Variants in NIBAN3 observed in about 807,000 individuals in gnomAD.
The protein encoded by NIBAN3 is protein Niban 3.
NIBAN3 carries 66 observed loss-of-function variants against 76.4 expected under a neutral mutation model. The ratio of observed to expected loss-of-function variants is 0.86; its 90% CI spans 0.71 to 1.06. The LOEUF (loss-of-function observed/expected upper bound fraction) is 1.06, where lower values mean the gene tolerates loss of function less well. Among genes scored for constraint, NIBAN3 ranks in the 50% least tolerant of loss-of-function variants. NIBAN3 has a pLI of 0.00. For missense variants in NIBAN3, 808 were observed against 810.7 expected, an observed-to-expected ratio of 1.00 and a Z score of 0.04; for synonymous variants, 360 against 355.2, an observed-to-expected ratio of 1.01 and a Z score of -0.15.
chr19:17,546,744 A>T lies in NIBAN3; in HGVS notation c.1613A>T (p.Glu538Val). The T allele has an allele frequency of 1.9e-6, 3 of 1,606,052 alleles. No individual in the cohort carries two copies. Among genetic ancestry groups the T allele is most frequent in the Non-Finnish European group, 2.5e-6 (3 of 1,177,084 alleles). The change falls in exon 13 of 15, where the codon GAG becomes GTG. Residue 538 changes from glutamate (E) to valine (V), a missense_variant. Physicochemically the swap from Glu to Val is moderately radical, Grantham distance 121 (BLOSUM62 -2). Transcript: ENST00000599164. ...LAVGSQALTT[E>V]GIYEDVIRGC... ...GTGGGCAGCCAGGCTCTGACCACTG[A>T]GGGCATCTATGAGGACGTCATCCGG... is the stretch of plus-strand genomic sequence containing the variant.
In NIBAN3 at chr19:17,542,402, G is replaced by A. The variant is rs2075971509; in HGVS notation, c.1329+108G>A. On this transcript the variant is annotated intron_variant, in intron 10 of 14. Transcript: ENST00000599164. The surrounding 1 kb of genome is among the most constrained non-coding windows in gnomAD (Gnocchi z 4.8). ...CCACGATGATCGAGACAACTCCGCG[G>A]GGCTGCCAGTCTCATGGGGACATGA... is the stretch of plus-strand genomic sequence containing the variant. 1 of 1,227,318 alleles carries A rather than the reference G, an allele frequency of 8.1e-7. No homozygotes were observed. Among genetic ancestry groups the A allele is most frequent in the South Asian group, 1.5e-5 (1 of 68,114 alleles). The allele number at this position is 1,227,318 out of a possible 1,614,324, so 76.0% of individuals were successfully genotyped here.
At position 17,540,826 on chromosome 19, in the gene NIBAN3, C is replaced by T. The variant is rs145020542; in HGVS notation, c.1170+244C>T. ...TTAACTCACTGCAGCCTCGACCTCC[C>T]GGGCTTAATCAATCCTCTTACTTTA... On this transcript the variant is annotated intron_variant, in intron 9 of 14. Coordinates refer to ENST00000599164, the MANE Select transcript of NIBAN3 (RefSeq NM_001321827.2). Among the ~76,000 whole-genome samples the T allele has an allele frequency of 5.0e-3, 760 of 152,276 alleles. 4 individuals are homozygous for T. The highest frequency in any genetic ancestry group is 0.017 in the African/African-American group (716 of 41,560).
intron 4 of NIBAN3, among the ~76,000 whole-genome samples, chr19:17,536,895 G>C (rs2075834269): frequency 6.6e-6 from 1 of 152,122 alleles, no homozygotes; most frequent in South Asian, 2.1e-4. Context: ...CTAGTACTTT[G>C]GGAGGCTGAG....
At chr19:17,548,658 G>A (rs1383974043) in intron 13 of NIBAN3, among the ~76,000 whole-genome samples, 1 of 152,124 alleles carries the variant, frequency 6.6e-6, no homozygotes, top group Non-Finnish European at 1.5e-5. Flanking sequence ...AGGCACTGTG[G>A]CTCACGCCTG....
chr19:17,523,445 C>T (rs1412439644), upstream of NIBAN3: 1 of 1,563,558 alleles, frequency 6.4e-7, no homozygotes, highest in Admixed American at 2.0e-5. Flanking sequence ...TGGGATGGGG[C>T]CTGACCGGAA....
Position 17,541,593 on chromosome 19 carries a change from GT to G in NIBAN3, c.1171-537del, listed in dbSNP as rs570997753. 4.6e-5 allele frequency among the ~76,000 whole-genome samples: 7 copies of G among 152,118 alleles called. No homozygotes were observed. The South Asian group carries it at 1.5e-3, about 32-fold the overall frequency. On this transcript the variant is annotated intron_variant, in intron 9 of 14. Coordinates refer to ENST00000599164, the MANE Select transcript of NIBAN3 (RefSeq NM_001321827.2). ...AATTGTGCCAGCATCGCTTGTTATA[GT>G]TTTTTCAGGTTTTATCATTTTATGT...
chr19:17,525,523 G>A (rs552284409), upstream of NIBAN3, among the ~76,000 whole-genome samples: 10 of 152,170 alleles, frequency 6.6e-5, no homozygotes, highest in East Asian at 1.9e-4. Flanking sequence ...GCACAGGGAC[G>A]GCTCTCCAAG....
chr19:17,525,499 C>T (rs866122861), upstream of NIBAN3, among the ~76,000 whole-genome samples: 1 of 152,202 alleles, frequency 6.6e-6, no homozygotes, highest in African/African-American at 2.4e-5. Context: ...AGGTCGCGCC[C>T]AACCAGTCCA....
Position 17,533,606 on chromosome 19 carries a change from A to G in NIBAN3, c.332A>G (p.His111Arg). Residue 111 changes from histidine to arginine, a missense_variant, in exon 4 of 15, where the codon CAC becomes CGC. Physicochemically the swap from His to Arg is conservative, Grantham distance 29. Coordinates refer to ENST00000599164, the MANE Select transcript of NIBAN3 (RefSeq NM_001321827.2). ...TTGTAGGAATATGAAAACGGGGGCCACTGCCTTGGCTCAACAGCCCTGACA... is the reference window on the plus strand; with the variant it reads ...TTGTAGGAATATGAAAACGGGGGCCGCTGCCTTGGCTCAACAGCCCTGACA... The part of the protein sequence containing the change: ...SHKEEYENGG[H>R]CLGSTALTGY... 2 of 1,613,994 alleles carry G rather than the reference A, an allele frequency of 1.2e-6. No individual in the cohort carries two copies. The highest frequency in any genetic ancestry group is 1.1e-5 in the South Asian group (1 of 91,080).
At chr19:17,531,936 GC>G (rs1487727403) in intron 2 of NIBAN3, among the ~76,000 whole-genome samples, 1 of 152,210 alleles carries the variant, frequency 6.6e-6, no homozygotes, top group Non-Finnish European at 1.5e-5. Context: ...GCACAGAGAG[GC>G]CAAATGGCCT....
intron 4 of NIBAN3, among the ~76,000 whole-genome samples, chr19:17,534,575 A>C (rs112223940): frequency 3.3e-5 from 5 of 152,150 alleles, no homozygotes; most frequent in African/African-American, 1.2e-4. Flanking sequence ...GCAGATCATG[A>C]AGTCAGGAGA....
intron 1 of NIBAN3, among the ~76,000 whole-genome samples, chr19:17,529,472 G>A (rs2075672931): frequency 6.6e-6 from 1 of 152,164 alleles, no homozygotes; most frequent in South Asian, 2.1e-4. Context: ...CCGGGCAGCA[G>A]AATGGAACTA....
chr19:17,530,450 T>A (rs2075697920), intron 1 of NIBAN3, among the ~76,000 whole-genome samples: 4 of 147,532 alleles, frequency 2.7e-5, no homozygotes. Flanking sequence ...GGAGAATTGC[T>A]TGAACCCAGG....
At chr19:17,539,837 C>G (rs1057054305) in intron 8 of NIBAN3, 72 bp downstream of exon 8, 5 of 1,207,180 alleles carry the variant, frequency 4.1e-6, no homozygotes, top group Admixed American at 2.5e-5. Context: ...GTGACCTAAG[C>G]GAAGAATGGG....
At chr19:17,539,916 C>T in intron 8 of NIBAN3, 151 bp downstream of exon 8, 1 of 70,746 alleles carries the variant, frequency 1.4e-5, no homozygotes, top group Non-Finnish European at 2.6e-5. Context: ...TGCAAGGGAA[C>T]GGGTGGGGAA....
rs532935561 is a variant in NIBAN3 at position 17,549,753 on chromosome 19, C to T, written c.1750+226C>T. 89 of 609,074 alleles carry T rather than the reference C, an allele frequency of 1.5e-4. 1 individual carries two copies. The highest frequency in any genetic ancestry group is 7.7e-5 in the Non-Finnish European group (26 of 336,262). The allele number at this position is 609,074 out of a possible 1,614,324, so 37.7% of individuals were successfully genotyped here. On this transcript the variant is annotated intron_variant, in intron 14 of 14. Coordinates refer to ENST00000599164, the MANE Select transcript of NIBAN3 (RefSeq NM_001321827.2). ...GGGACCCTCTAAACCCAGGCTCTGA[C>T]ATGCATGTGAGCTCAGCCCTGGGGG...
chr19:17,530,225 A>G (rs539854360), intron 1 of NIBAN3, among the ~76,000 whole-genome samples: 1 of 150,458 alleles, frequency 6.6e-6, no homozygotes, highest in Admixed American at 6.6e-5. Flanking sequence ...GGAGGCTGAG[A>G]TGGGAGAATC....
intron 12 of NIBAN3, chr19:17,545,600 G>T (rs935214288): frequency 1.0e-4 from 16 of 159,728 alleles, no homozygotes; most frequent in Non-Finnish European, 1.5e-4. Flanking sequence ...GGTCACGTGG[G>T]TCATGTGTCC....
chr19:17,537,841 G>A (rs1182597053), intron 5 of NIBAN3, among the ~76,000 whole-genome samples: 1 of 152,150 alleles, frequency 6.6e-6, no homozygotes, highest in Non-Finnish European at 1.5e-5. Context: ...AGCCACTCGG[G>A]AGGCTGAGGC....
Sources: gnomAD v4.1 joint callset for allele counts (sites outside exome capture counted in the v4.1 genomes callset) on GRCh38, gnomAD v4.1.1 for gene constraint, Gnocchi (gnomAD v3.1) non-coding constraint, MANE v1.5 for transcripts, NCBI Gene and HGNC (gene_info 2026-07-23, HGNC 2026-07-21) for gene names.